Variants in TAFA2 observed in about 807,000 individuals in gnomAD.
TAFA2 encodes the protein TAFA chemokine like family member 2.
Under a neutral mutation model 18.8 loss-of-function variants are expected in TAFA2, and 7 were observed. That is an observed-to-expected ratio of 0.37 (90% CI 0.21 to 0.70). The LOEUF (loss-of-function observed/expected upper bound fraction) is 0.70. Among genes scored for constraint, TAFA2 ranks in the 30% least tolerant of loss-of-function variants. TAFA2 has a pLI of 0.53. For missense variants in TAFA2, 122 were observed against 158.1 expected (o/e 0.77, Z 1.23); for synonymous variants, 60 against 54.2 (o/e 1.11, Z -0.47).
intron 2 of TAFA2, among the ~76,000 whole-genome samples, chr12:61,838,582 C>T (rs1040443856): frequency 1.3e-5 from 2 of 151,924 alleles, no homozygotes; most frequent in African/African-American, 2.4e-5. Flanking sequence ...TGCGCATGTA[C>T]AGGATTTGGG....
chr12:62,066,896 C>G (rs796415481), intron 1 of TAFA2, among the ~76,000 whole-genome samples: 15 of 152,156 alleles, frequency 9.9e-5, no homozygotes, highest in African/African-American at 3.4e-4. Context: ...CCAACCTGCT[C>G]TCTATAGTGG....
intron 2 of TAFA2, among the ~76,000 whole-genome samples, chr12:61,757,732 A>C (rs1214035493): frequency 6.6e-6 from 1 of 152,102 alleles, no homozygotes; most frequent in Non-Finnish European, 1.5e-5. Context: ...GTGTGAAGGA[A>C]TGAAGAAATA....
chr12:61,949,566 G>GCT (rs1428335691), intron 1 of TAFA2, among the ~76,000 whole-genome samples: 2 of 152,070 alleles, frequency 1.3e-5, no homozygotes, highest in Non-Finnish European at 2.9e-5. Flanking sequence ...GATCCAGCTA[G>GCT]CTCTCTACCA....
intron 1 of TAFA2, among the ~76,000 whole-genome samples, chr12:61,871,186 A>C (rs1353325652): frequency 6.6e-6 from 1 of 152,230 alleles, no homozygotes; most frequent in Non-Finnish European, 1.5e-5. Context: ...AATGTGTTTT[A>C]TTCTGATTTT....
At chr12:62,250,404 G>A (rs954342004) in intron 1 of TAFA2, among the ~76,000 whole-genome samples, 6 of 151,984 alleles carry the variant, frequency 3.9e-5, no homozygotes, top group Non-Finnish European at 2.9e-5. Flanking sequence ...TCATGAGAAT[G>A]GGTCAAGGTA....
chr12:61,722,404 G>T (rs987765983), intron 4 of TAFA2, among the ~76,000 whole-genome samples: 2 of 152,112 alleles, frequency 1.3e-5, no homozygotes, highest in African/African-American at 4.8e-5. Flanking sequence ...TGGAACTTTT[G>T]TATTCTGGCC....
chr12:62,044,119 T>G (rs914672591), intron 1 of TAFA2, among the ~76,000 whole-genome samples: 2 of 152,080 alleles, frequency 1.3e-5, no homozygotes, highest in Non-Finnish European at 2.9e-5. Flanking sequence ...AGTATGCTCC[T>G]AAGGTATTAT....
intron 1 of TAFA2, among the ~76,000 whole-genome samples, chr12:62,181,380 T>C (rs1248527367): frequency 5.9e-5 from 9 of 152,224 alleles, no homozygotes; most frequent in African/African-American, 9.6e-5. Flanking sequence ...GAGATATACA[T>C]GGGTCTGCCT....
chr12:62,050,751 G>A (rs1882031332), intron 1 of TAFA2, among the ~76,000 whole-genome samples: 2 of 152,154 alleles, frequency 1.3e-5, no homozygotes, highest in Non-Finnish European at 1.5e-5. Flanking sequence ...GTGCTAATAA[G>A]AGCCAAATCT....
intron 1 of TAFA2, among the ~76,000 whole-genome samples, chr12:61,893,582 G>A (rs1163888630): frequency 2.0e-5 from 3 of 152,138 alleles, no homozygotes; most frequent in Non-Finnish European, 4.4e-5. Flanking sequence ...ATGATGGATG[G>A]GTTGGCTTTG....
intron 1 of TAFA2, among the ~76,000 whole-genome samples, chr12:62,013,801 AAGTT>A (rs1268334965): frequency 2.0e-5 from 3 of 152,238 alleles, no homozygotes; most frequent in Non-Finnish European, 4.4e-5. Context: ...AACTAGTTGT[AAGTT>A]AGTCGATAAT....
chr12:61,961,105 G>A (rs1453487000), intron 1 of TAFA2, among the ~76,000 whole-genome samples: 1 of 151,872 alleles, frequency 6.6e-6, no homozygotes, highest in Non-Finnish European at 1.5e-5. Context: ...GAAGGTGAAG[G>A]GAAAGTAGGC....
At chr12:61,839,717 G>A (rs571558247) in intron 2 of TAFA2, among the ~76,000 whole-genome samples, 1 of 151,980 alleles carries the variant, frequency 6.6e-6, no homozygotes, top group South Asian at 2.1e-4. Flanking sequence ...CAGACACAAA[G>A]AACAATAACA....
intron 1 of TAFA2, among the ~76,000 whole-genome samples, chr12:62,118,660 A>G (rs1434849828): frequency 6.6e-6 from 1 of 151,584 alleles, no homozygotes; most frequent in Non-Finnish European, 1.5e-5. Context: ...TTCCAAAAGA[A>G]CAGTGTAAAT....
At chr12:61,959,903 C>T (rs1899214) in intron 1 of TAFA2, among the ~76,000 whole-genome samples, 101,713 of 151,680 alleles carry the variant, frequency 0.67, 36,275 homozygotes, top group South Asian at 0.8. Flanking sequence ...CACTGTGTTG[C>T]CCAGGCTGGA....
intron 2 of TAFA2, among the ~76,000 whole-genome samples, chr12:61,791,965 C>G (rs1870999853): frequency 6.6e-6 from 1 of 151,636 alleles, no homozygotes; most frequent in Admixed American, 6.6e-5. Context: ...TGAAATCAAC[C>G]TAAGTATCCA....
chr12:62,160,378 C>T (rs557512365), intron 1 of TAFA2, among the ~76,000 whole-genome samples: 1 of 152,340 alleles, frequency 6.6e-6, no homozygotes, highest in South Asian at 2.1e-4. Context: ...TAATTACTCA[C>T]TTGCTTCTTT....
At chr12:61,876,864 A>G (rs1874870367) in intron 1 of TAFA2, among the ~76,000 whole-genome samples, 1 of 152,214 alleles carries the variant, frequency 6.6e-6, no homozygotes, top group African/African-American at 2.4e-5. Flanking sequence ...TTTTTGGACA[A>G]TTATGTGCAC....
intron 1 of TAFA2, among the ~76,000 whole-genome samples, chr12:62,081,204 A>C (rs1868318371): frequency 6.6e-6 from 1 of 152,286 alleles, no homozygotes; most frequent in Non-Finnish European, 1.5e-5. Context: ...CACAAAAAAA[A>C]TTCCCCTATA....
Sources: allele counts gnomAD v4.1 joint callset (sites outside exome capture counted in the v4.1 genomes callset), GRCh38; gene constraint gnomAD v4.1.1; transcripts MANE v1.5; gene names NCBI Gene and HGNC (gene_info 2026-07-23, HGNC 2026-07-21).